Variants in DNAH3 observed in about 807,000 individuals in gnomAD.
DNAH3 encodes the protein dynein axonemal heavy chain 3, also known as axonemal beta dynein heavy chain 3.
Under a neutral mutation model 432.5 loss-of-function variants are expected in DNAH3, and 332 were observed. The observed-to-expected ratio is 0.77, with a 90% CI of 0.70 to 0.84. The LOEUF (loss-of-function observed/expected upper bound fraction) is 0.84. Ranked by LOEUF, DNAH3 falls within the 40% of genes least tolerant of loss-of-function variation. DNAH3 has a pLI of 0.00. For missense variants in DNAH3, 4,861 were observed against 5,114.0 expected (o/e 0.95, Z 1.51); for synonymous variants, 1,956 against 1,900.2 (o/e 1.03, Z -0.76).
At chr16:21,056,552 T>C (rs962889333) in intron 27 of DNAH3, among the ~76,000 whole-genome samples, 3 of 152,154 alleles carry the variant, frequency 2.0e-5, no homozygotes, top group Non-Finnish European at 4.4e-5. Context: ...AGAGGGACTA[T>C]GTCTGTCTCA....
intron 41 of DNAH3, among the ~76,000 whole-genome samples, chr16:21,017,330 G>A (rs747448625): frequency 6.6e-6 from 1 of 152,038 alleles, no homozygotes; most frequent in African/African-American, 2.4e-5. Flanking sequence ...CAAGCTAAAA[G>A]GAAAAGTCAA....
At chr16:21,019,384 T>G (rs747806186) in intron 41 of DNAH3, 27 of 532,678 alleles carry the variant, frequency 5.1e-5, no homozygotes, top group Non-Finnish European at 7.3e-5. Context: ...GGTCTTGAAC[T>G]GCTGACCTCA....
chr16:20,982,409 T>C lies in DNAH3; in HGVS notation c.7859+312A>G, dbSNP rs191563459. Reference sequence around the variant, plus strand: ...TCAAAAACAAATAAACAAACAAACATTGTTTTGTGGTCTCAGCAGCAATCT... The same window carrying C: ...TCAAAAACAAATAAACAAACAAACACTGTTTTGTGGTCTCAGCAGCAATCT... On this transcript the variant is annotated intron_variant, in intron 49 of 61. Transcript: ENST00000261383. Among the ~76,000 whole-genome samples the C allele has an allele frequency of 9.3e-4, 141 of 152,056 alleles. 1 individual carries two copies. Among genetic ancestry groups the C allele is most frequent in the African/African-American group, 3.3e-3 (138 of 41,480 alleles).
intron 20 of DNAH3, among the ~76,000 whole-genome samples, chr16:21,079,421 C>T (rs567738002): frequency 8.5e-5 from 13 of 152,164 alleles, no homozygotes; most frequent in African/African-American, 2.6e-4. Flanking sequence ...GTCAGGAGTT[C>T]GAGACCAGCC....
rs1436883616 is a variant in DNAH3 at position 21,020,017 on chromosome 16, C to T, written c.5777-148G>A. The T allele has an allele frequency of 1.1e-5, 9 of 796,040 alleles. No individual in the cohort carries two copies. In the African/African-American group the frequency reaches 1.5e-4, roughly 13 times the overall value. 49.3% of individuals were successfully genotyped at this position (796,040 alleles called of 1,614,324 possible). On this transcript the variant is annotated intron_variant, in intron 40 of 61. Coordinates refer to ENST00000261383, the Ensembl canonical transcript of DNAH3. ...GCCTATCACCTACCAGATCATTTCA[C>T]ATGCATTTTTTTTTTTTTTTTGAAA...
At chr16:20,976,234 A>G (rs1357466065) in intron 50 of DNAH3, among the ~76,000 whole-genome samples, 1 of 151,420 alleles carries the variant, frequency 6.6e-6, no homozygotes, top group Admixed American at 6.6e-5. Context: ...GTCTCACTCT[A>G]TCACCCAGGC....
At chr16:21,092,698 C>CAAAAAAAAAAAAAAAAAAAAAAAAA (rs61277332) in intron 18 of DNAH3, among the ~76,000 whole-genome samples, 1 of 11,540 alleles carries the variant, frequency 8.7e-5, no homozygotes. Flanking sequence ...AAAATATTTG[C>CAAAAAAAAAAAAAAAAAAAAAAAAA]AAAAAAAAAA....
intron 27 of DNAH3, among the ~76,000 whole-genome samples, chr16:21,055,233 T>C (rs1228981535): frequency 3.3e-5 from 5 of 152,118 alleles, no homozygotes; most frequent in African/African-American, 1.2e-4. Flanking sequence ...TCTTTGTATG[T>C]TTAGTAGAGA....
chr16:20,944,473 C>T (rs376616814), intron 58 of DNAH3, 23 bp downstream of exon 58: 41 of 1,609,506 alleles, frequency 2.5e-5, no homozygotes, highest in African/African-American at 5.6e-5. Flanking sequence ...TAGGATTAAG[C>T]CCCCTTTCCC....
intron 10 of DNAH3, chr16:21,120,926 G>T: frequency 8.8e-7 from 1 of 1,138,178 alleles, no homozygotes; most frequent in Non-Finnish European, 1.3e-6. Context: ...ACTGGTTGTA[G>T]GAGAGCTGCC....
chr16:21,068,986 A>G (rs1304406287), intron 23 of DNAH3, among the ~76,000 whole-genome samples: 1 of 151,338 alleles, frequency 6.6e-6, no homozygotes, highest in Non-Finnish European at 1.5e-5. Flanking sequence ...GTGCAGTGGC[A>G]CGATCCCAGG....
intron 11 of DNAH3, chr16:21,120,651 G>T: frequency 1.0e-6 from 1 of 974,286 alleles, no homozygotes; most frequent in Non-Finnish European, 1.6e-6. Context: ...TAAAGTCATT[G>T]GTATTCACAT....
At chr16:21,008,549 G>A (rs1046635745) in intron 41 of DNAH3, among the ~76,000 whole-genome samples, 14 of 152,112 alleles carry the variant, frequency 9.2e-5, no homozygotes, top group African/African-American at 2.9e-4. Context: ...ACGCAGCATA[G>A]GGTTCTGGAA....
chr16:20,960,726 A>G (rs1596961956), intron 53 of DNAH3, among the ~76,000 whole-genome samples: 4 of 152,154 alleles, frequency 2.6e-5, no homozygotes, highest in East Asian at 1.9e-4. Flanking sequence ...CAAACAAACA[A>G]AAGGCGGCCA....
At chr16:21,047,312 C>G (rs1478183809) in intron 31 of DNAH3, among the ~76,000 whole-genome samples, 2 of 147,808 alleles carry the variant, frequency 1.4e-5, no homozygotes, top group Admixed American at 1.4e-4. Flanking sequence ...TTCAGGTACA[C>G]CAATCAGACG....
At chr16:21,040,358 A>ATTTTTTTTTTTTTTTTTTT (rs55797285) in intron 32 of DNAH3, among the ~76,000 whole-genome samples, 2 of 79,712 alleles carry the variant, frequency 2.5e-5, no homozygotes, top group African/African-American at 1.1e-4. Flanking sequence ...AGCCAGACAG[A>ATTTTTTTTTTTTTTTTTTT]TTTTTTTTTT....
At chr16:20,967,492 CTTTTTTTTTTTTTTT>C (rs756357963) in intron 52 of DNAH3, among the ~76,000 whole-genome samples, 1 of 52,786 alleles carries the variant, frequency 1.9e-5, no homozygotes, top group Non-Finnish European at 3.3e-5. Context: ...CAGACTTCTG[CTTTTTTTTTTTTTTT>C]TTTTTTTTTT....
At position 20,933,509 on chromosome 16, in the gene DNAH3, TG is replaced by T. The variant is rs1567481414; in HGVS notation, c.11998-3del. The T allele has an allele frequency of 2.5e-6, 4 of 1,569,300 alleles. No individual in the cohort carries two copies. The Admixed American group carries it at 5.6e-5, about 22-fold the overall frequency. ...CATCACTGTTTCTTGTGGGGTTACC[TG>T]GAAGAATAAAAAGCTATGAGCTCCA... On this transcript the variant is annotated splice_region_variant and splice_polypyrimidine_tract_variant and intron_variant, in intron 61 of 61. Transcript: ENST00000261383.
intron 7 of DNAH3, among the ~76,000 whole-genome samples, chr16:21,128,037 G>C (rs773115880): frequency 3.3e-5 from 5 of 152,050 alleles, no homozygotes; most frequent in Non-Finnish European, 7.4e-5. Flanking sequence ...GGTGACCCAA[G>C]AGTGCTCCTG....
Sources: gnomAD v4.1 joint callset for allele counts (sites outside exome capture counted in the v4.1 genomes callset) on GRCh38, gnomAD v4.1.1 for gene constraint, MANE v1.5 for transcripts, NCBI Gene and HGNC (gene_info 2026-07-23, HGNC 2026-07-21) for gene names.